SLIT1: variants seen among roughly 807,000 people sequenced by gnomAD.
The protein encoded by SLIT1 is slit guidance ligand 1, also known as slit homolog 1 protein.
A neutral mutation model predicts 186.1 loss-of-function variants in SLIT1; 66 were observed. The ratio of observed to expected loss-of-function variants is 0.35; its 90% confidence interval spans 0.29 to 0.44. The LOEUF (loss-of-function observed/expected upper bound fraction) is 0.44, where lower values mean the gene tolerates loss of function less well. Ranked by LOEUF, SLIT1 falls within the 20% of genes least tolerant of loss-of-function variation. SLIT1 has a pLI of 1.00. For synonymous variants in SLIT1, 761 were observed against 833.8 expected, an observed-to-expected ratio of 0.91 and a Z score of 1.50; for missense variants, 1,638 against 2,037.4, an observed-to-expected ratio of 0.80 and a Z score of 3.77.
In SLIT1 at chr10:97,044,115, G is replaced by A. The variant is rs565878859; in HGVS notation, c.1854-602C>T. ...GCTGCTGTTCATCTTCAAAAACCCA[G>A]CCCAAGCCTGATGCAGTGGCTCATG... On this transcript the variant is annotated intron_variant, in intron 18 of 36. Coordinates refer to ENST00000266058, the MANE Select transcript of SLIT1 (RefSeq NM_003061.3). Among the ~76,000 whole-genome samples the A allele has an allele frequency of 2.6e-4, 40 of 152,326 alleles. No individual in the cohort carries two copies. In the South Asian group the frequency reaches 6.2e-3, roughly 24 times the overall value.
chr10:97,010,939 C>G lies in SLIT1; in HGVS notation c.3341+54G>C, dbSNP rs1848404967. ...GCCATGGCTGGAGGCTCCTGCCAGC[C>G]CAGGGGCTGACAGCCACAAGGAGTC... On this transcript the variant is annotated intron_variant, in intron 31 of 36. Transcript: ENST00000266058. The surrounding 1 kb of genome is among the most constrained non-coding windows in gnomAD (Gnocchi z 4.8). 1.0e-5 allele frequency: 16 copies of G among 1,579,390 alleles called. No individual in the cohort carries two copies. The South Asian group carries it at 1.6e-4, about 16-fold the overall frequency.
intron 1 of SLIT1, among the ~76,000 whole-genome samples, chr10:97,176,318 G>T (rs143587167): frequency 6.6e-6 from 1 of 152,034 alleles, no homozygotes; most frequent in Non-Finnish European, 1.5e-5. Flanking sequence ...TCTAAGCCAC[G>T]ACCACGACCA....
intron 4 of SLIT1, among the ~76,000 whole-genome samples, chr10:97,110,109 C>T (rs759169694): frequency 6.6e-6 from 1 of 152,202 alleles, no homozygotes; most frequent in Non-Finnish European, 1.5e-5. Flanking sequence ...TCCTTCTCTG[C>T]CTGTCATGGA....
rs1010507781 is a variant in SLIT1 at position 97,068,178 on chromosome 10, A to T, written c.414-2092T>A. On this transcript the variant is annotated intron_variant, in intron 4 of 36. Transcript: ENST00000266058. The surrounding 1 kb of genome is among the most constrained non-coding windows in gnomAD (Gnocchi z 4.2). ...ATGAATGATGGAACTGGAGAGATGC[A>T]CCCTGTCCTGGAGGGAGCTCAGTCC... Among the ~76,000 whole-genome samples, 2 of 151,052 alleles carry T rather than the reference A, an allele frequency of 1.3e-5. No homozygotes were observed. Among genetic ancestry groups the T allele is most frequent in the African/African-American group, 2.5e-5 (1 of 40,490 alleles).
At chr10:97,183,430 A>C (rs1203761850) in intron 1 of SLIT1, among the ~76,000 whole-genome samples, 2 of 152,224 alleles carry the variant, frequency 1.3e-5, no homozygotes, top group Non-Finnish European at 2.9e-5. Context: ...CCCATACATG[A>C]TCTTCCATCC....
intron 30 of SLIT1, among the ~76,000 whole-genome samples, chr10:97,012,987 A>G (rs920405358): frequency 2.6e-5 from 4 of 152,256 alleles, no homozygotes; most frequent in African/African-American, 9.6e-5. Context: ...GCAGTCTTCA[A>G]GTAACAAACA....
chr10:97,164,038 G>C (rs1850068360), intron 2 of SLIT1, among the ~76,000 whole-genome samples: 1 of 152,248 alleles, frequency 6.6e-6, no homozygotes, highest in Non-Finnish European at 1.5e-5. Context: ...GAAGAAAAGA[G>C]TGGGGTGCCC....
At chr10:97,028,090 C>T (rs1848561960) in intron 25 of SLIT1, among the ~76,000 whole-genome samples, 1 of 152,154 alleles carries the variant, frequency 6.6e-6, no homozygotes, top group Admixed American at 6.5e-5. Context: ...TGGAGAGGAG[C>T]ATCTCCAACT....
intron 4 of SLIT1, among the ~76,000 whole-genome samples, chr10:97,150,643 A>C (rs1456116767): frequency 1.4e-5 from 2 of 146,942 alleles, no homozygotes; most frequent in Non-Finnish European, 3.0e-5. Context: ...GTTGGGACAC[A>C]TATTGGTTTC....
chr10:97,002,209 C>G lies in SLIT1; in HGVS notation c.4315G>C (p.Gly1439Arg), dbSNP rs1166935069. Residue 1439 changes from glycine (G) to arginine (R), a missense_variant, in exon 36 of 37, where the codon GGG becomes CGG. Transcript: ENST00000266058. Reference protein sequence around the residue: ...HGHCQASGTKGAHCVCDPGFS... With the variant: ...HGHCQASGTKRAHCVCDPGFS... ...CCGGGGTCACACACACAGTGTGCCC[C>G]CTTGGTGCCTGAGGCCTGGCAGTGG... The G allele has an allele frequency of 6.3e-7, 1 of 1,580,152 alleles. No individual in the cohort carries two copies. Among genetic ancestry groups the G allele is most frequent in the South Asian group, 1.1e-5 (1 of 87,992 alleles).
At chr10:97,180,025 GA>G (rs1804497049) in intron 1 of SLIT1, among the ~76,000 whole-genome samples, 1 of 152,196 alleles carries the variant, frequency 6.6e-6, no homozygotes, top group Non-Finnish European at 1.5e-5. Flanking sequence ...AGCCCCAAAA[GA>G]GCACGGCCGC....
At chr10:97,080,476 C>A (rs1469609847) in intron 4 of SLIT1, among the ~76,000 whole-genome samples, 1 of 152,206 alleles carries the variant, frequency 6.6e-6, no homozygotes, top group Admixed American at 6.5e-5. Flanking sequence ...TGCTAAATTT[C>A]TTTGTTTCCT....
Position 97,156,676 on chromosome 10 carries a change from A to G in SLIT1, c.413+1142T>C, listed in dbSNP as rs541339379. 2.0e-5 allele frequency among the ~76,000 whole-genome samples: 3 copies of G among 152,332 alleles called. No homozygotes were observed. In the South Asian group the frequency reaches 6.2e-4, roughly 32 times the overall value. On this transcript the variant is annotated intron_variant, in intron 4 of 36. Transcript: ENST00000266058. Reference sequence around the variant, plus strand: ...TAGAAATCATGGCAGAGGCAGAAAGAACTAGCTGTGTTTAATCAGAGGAGA... The same window carrying G: ...TAGAAATCATGGCAGAGGCAGAAAGGACTAGCTGTGTTTAATCAGAGGAGA...
chr10:97,112,287 C>A (rs1388736832), intron 4 of SLIT1, among the ~76,000 whole-genome samples: 3 of 152,060 alleles, frequency 2.0e-5, no homozygotes, highest in African/African-American at 7.2e-5. Context: ...ATCCACCACT[C>A]CCTGACAGAG....
intron 4 of SLIT1, among the ~76,000 whole-genome samples, chr10:97,130,862 A>G (rs1257152384): frequency 6.6e-6 from 1 of 152,184 alleles, no homozygotes; most frequent in Admixed American, 6.5e-5. Flanking sequence ...CATTCGGTCC[A>G]TGGTCTGAAT....
chr10:97,133,776 T>A (rs1849676357), intron 4 of SLIT1, among the ~76,000 whole-genome samples: 1 of 152,136 alleles, frequency 6.6e-6, no homozygotes, highest in Non-Finnish European at 1.5e-5. Flanking sequence ...GGAATCACAT[T>A]CATGAGAAGC....
intron 21 of SLIT1, among the ~76,000 whole-genome samples, chr10:97,038,937 GC>G (rs1486594716): frequency 1.3e-5 from 2 of 152,256 alleles, no homozygotes; most frequent in Non-Finnish European, 2.9e-5. Context: ...AAGAAGGTAG[GC>G]TGCCCCACCC....
At chr10:97,080,602 T>C (rs1284051206) in intron 4 of SLIT1, among the ~76,000 whole-genome samples, 1 of 152,160 alleles carries the variant, frequency 6.6e-6, no homozygotes, top group East Asian at 1.9e-4. Context: ...AGCTCCACCA[T>C]TCCTCTGTAG....
chr10:97,162,511 G>A (rs1280216941), intron 3 of SLIT1, among the ~76,000 whole-genome samples: 3 of 152,168 alleles, frequency 2.0e-5, no homozygotes, highest in Non-Finnish European at 4.4e-5. Flanking sequence ...TACTCGGGAG[G>A]CTGAGGCGGG....
Sources: allele counts gnomAD v4.1 joint callset (sites outside exome capture counted in the v4.1 genomes callset), GRCh38; gene constraint gnomAD v4.1.1; non-coding constraint Gnocchi (gnomAD v3.1); transcripts MANE v1.5; gene names NCBI Gene and HGNC (gene_info 2026-07-23, HGNC 2026-07-21).